Variants in CTNND2 observed in about 807,000 individuals in gnomAD.
The protein encoded by CTNND2 is catenin delta-2.
A neutral mutation model predicts 144.4 loss-of-function variants in CTNND2; 22 were observed. That is an observed-to-expected ratio of 0.15 (90% CI 0.11 to 0.22). CTNND2 has a LOEUF of 0.22. CTNND2 is among the 10% of genes least tolerant of loss of function. The probability of loss-of-function intolerance (pLI) is 1.00; values close to 1 mark genes in which losing one functional copy is unlikely to be tolerated. For synonymous variants in CTNND2, 751 were observed against 695.6 expected, an observed-to-expected ratio of 1.08 and a Z score of -1.25; for missense variants, 1,353 against 1,618.8, an observed-to-expected ratio of 0.84 and a Z score of 2.82.
At chr5:11,123,851 C>T (rs1184340660) in intron 12 of CTNND2, among the ~76,000 whole-genome samples, 2 of 152,192 alleles carry the variant, frequency 1.3e-5, no homozygotes. Flanking sequence ...TGGCTGTCTG[C>T]CGTGTGCTAT....
intron 3 of CTNND2, among the ~76,000 whole-genome samples, chr5:11,558,341 CGTGTGTGTGTGTGT>C (rs59741742): frequency 2.3e-5 from 3 of 132,120 alleles, no homozygotes; most frequent in African/African-American, 8.5e-5. Context: ...GTGAGAAACA[CGTGTGTGTGTGTGT>C]GTGTGTGTGT....
intron 2 of CTNND2, among the ~76,000 whole-genome samples, chr5:11,616,405 T>C (rs1311314214): frequency 6.6e-6 from 1 of 152,244 alleles, no homozygotes; most frequent in Non-Finnish European, 1.5e-5. Context: ...AATAGTTTCC[T>C]ATTTACTTTC....
At chr5:11,405,662 T>C (rs1056835441) in intron 5 of CTNND2, among the ~76,000 whole-genome samples, 1 of 152,154 alleles carries the variant, frequency 6.6e-6, no homozygotes, top group African/African-American at 2.4e-5. Flanking sequence ...TACAGCTTCC[T>C]GAAGGATTTT....
chr5:11,581,797 C>A (rs1051535136), intron 2 of CTNND2, among the ~76,000 whole-genome samples: 2 of 152,146 alleles, frequency 1.3e-5, no homozygotes, highest in Non-Finnish European at 2.9e-5. Flanking sequence ...AACTTCCTTA[C>A]AATATGCTCA....
intron 12 of CTNND2, among the ~76,000 whole-genome samples, chr5:11,127,566 C>A (rs1411796022): frequency 1.3e-5 from 2 of 152,182 alleles, no homozygotes; most frequent in African/African-American, 4.8e-5. Flanking sequence ...TAAGCTCTGG[C>A]CTGGAAACCC....
At chr5:11,439,271 T>G (rs771052022) in intron 3 of CTNND2, among the ~76,000 whole-genome samples, 4 of 152,090 alleles carry the variant, frequency 2.6e-5, no homozygotes, top group Non-Finnish European at 5.9e-5. Flanking sequence ...TCAAATTAAT[T>G]CCTTAGGGGT....
intron 21 of CTNND2, among the ~76,000 whole-genome samples, chr5:10,980,626 T>G (rs1228716578): frequency 6.6e-6 from 1 of 152,144 alleles, no homozygotes; most frequent in Non-Finnish European, 1.5e-5. Flanking sequence ...CTATTCACAA[T>G]AGCAAGCACT....
intron 2 of CTNND2, among the ~76,000 whole-genome samples, chr5:11,631,383 T>C (rs891494770): frequency 6.6e-6 from 1 of 152,192 alleles, no homozygotes; most frequent in Non-Finnish European, 1.5e-5. Flanking sequence ...ACACACACTT[T>C]ACTACTATAA....
intron 7 of CTNND2, among the ~76,000 whole-genome samples, chr5:11,370,244 C>T (rs1757345035): frequency 6.7e-6 from 1 of 148,632 alleles, no homozygotes; most frequent in Non-Finnish European, 1.5e-5. Flanking sequence ...TTAGTTTATT[C>T]CTCAAAGAAT....
At chr5:11,730,806 G>T (rs1027000133) in intron 2 of CTNND2, among the ~76,000 whole-genome samples, 2 of 152,110 alleles carry the variant, frequency 1.3e-5, no homozygotes, top group Non-Finnish European at 2.9e-5. Flanking sequence ...CAGCAGACAG[G>T]TCTTGCCTTT....
At chr5:11,240,792 AC>A (rs371811041) in intron 9 of CTNND2, among the ~76,000 whole-genome samples, 2 of 106,942 alleles carry the variant, frequency 1.9e-5, no homozygotes, top group African/African-American at 3.7e-5. Flanking sequence ...CACACCCCCA[AC>A]CCCCACACAC....
intron 16 of CTNND2, among the ~76,000 whole-genome samples, chr5:11,060,173 C>T (rs558807328): frequency 9.9e-5 from 15 of 152,230 alleles, no homozygotes; most frequent in South Asian, 4.1e-4. Flanking sequence ...TTTGCAGGGA[C>T]GGCTCAAGGG....
At chr5:11,511,851 T>C (rs1272137950) in intron 3 of CTNND2, among the ~76,000 whole-genome samples, 2 of 152,192 alleles carry the variant, frequency 1.3e-5, no homozygotes, top group Non-Finnish European at 2.9e-5. Flanking sequence ...AGCTCACTAT[T>C]TCAAGATCTT....
At chr5:11,789,046 G>A (rs977406601) in intron 1 of CTNND2, among the ~76,000 whole-genome samples, 2 of 152,014 alleles carry the variant, frequency 1.3e-5, no homozygotes, top group African/African-American at 2.4e-5. Context: ...TTAGAATGGC[G>A]ATCATTAAAA....
intron 16 of CTNND2, among the ~76,000 whole-genome samples, chr5:11,073,840 C>A (rs998914130): frequency 1.3e-5 from 2 of 152,186 alleles, no homozygotes; most frequent in Non-Finnish European, 2.9e-5. Context: ...TAAAACAAAC[C>A]AGCAGAGAGT....
At chr5:11,487,444 C>T (rs573027603) in intron 3 of CTNND2, among the ~76,000 whole-genome samples, 24 of 152,088 alleles carry the variant, frequency 1.6e-4, no homozygotes, top group Middle Eastern at 6.8e-3. Context: ...GTAGAGTTTA[C>T]GTCTTGTAGG....
At chr5:11,761,036 T>C (rs187410455) in intron 1 of CTNND2, among the ~76,000 whole-genome samples, 98 of 152,314 alleles carry the variant, frequency 6.4e-4, no homozygotes, top group Admixed American at 2.0e-3. Flanking sequence ...ATTAGTCATT[T>C]ATTAACTTAA....
intron 16 of CTNND2, among the ~76,000 whole-genome samples, chr5:11,049,218 C>T (rs535095494): frequency 6.6e-6 from 1 of 152,270 alleles, no homozygotes; most frequent in Non-Finnish European, 1.5e-5. Context: ...CTATTCCATA[C>T]TTCTCACCTG....
At chr5:11,210,580 T>C (rs1661308333) in intron 10 of CTNND2, among the ~76,000 whole-genome samples, 1 of 152,218 alleles carries the variant, frequency 6.6e-6, no homozygotes, top group Admixed American at 6.5e-5. Flanking sequence ...GAGGATAAGA[T>C]CTAACATATT....
Sources: gnomAD v4.1 joint callset for allele counts (sites outside exome capture counted in the v4.1 genomes callset) on GRCh38, gnomAD v4.1.1 for gene constraint, MANE v1.5 for transcripts, NCBI Gene and HGNC (gene_info 2026-07-23, HGNC 2026-07-21) for gene names.